The following BTC variants were observed in gnomAD, a reference collection of about 807,000 sequenced individuals.
BTC encodes probetacellulin.
BTC carries 13 observed loss-of-function variants against 18.1 expected under a neutral mutation model. The ratio of observed to expected loss-of-function variants is 0.72; its 90% CI spans 0.47 to 1.14. The LOEUF is 1.14. BTC is among the 50% of genes most tolerant of loss of function. The probability of loss-of-function intolerance (pLI) is 0.00; values close to 1 mark genes in which losing one functional copy is unlikely to be tolerated. For missense variants in BTC, 247 were observed against 224.2 expected (o/e 1.10, Z -0.65); for synonymous variants, 83 against 79.4 (o/e 1.05, Z -0.24).
chr4:74,770,945 GTGTA>G (rs1725022382), intron 1 of BTC, among the ~76,000 whole-genome samples: 1 of 147,606 alleles, frequency 6.8e-6, no homozygotes, highest in African/African-American at 2.6e-5. Context: ...GTGTGTGTGT[GTGTA>G]TAATTATGGA....
chr4:74,758,655 G>T (rs1319263577), intron 2 of BTC, among the ~76,000 whole-genome samples: 3 of 152,132 alleles, frequency 2.0e-5, no homozygotes, highest in Non-Finnish European at 4.4e-5. Flanking sequence ...ACCATGCAGA[G>T]TGTGATACCA....
chr4:74,756,969 A>C (rs546703464), intron 2 of BTC, among the ~76,000 whole-genome samples: 1 of 152,234 alleles, frequency 6.6e-6, no homozygotes, highest in Non-Finnish European at 1.5e-5. Context: ...GTTAACTTAC[A>C]AGGGACATAA....
At chr4:74,790,173 A>ATGAC (rs1725583937) in intron 1 of BTC, among the ~76,000 whole-genome samples, 1 of 152,210 alleles carries the variant, frequency 6.6e-6, no homozygotes, top group Admixed American at 6.5e-5. Context: ...GTAGAGCCTG[A>ATGAC]TGACATTCGG....
intron 1 of BTC, 91 bp downstream of exon 1, chr4:74,794,171 C>T (rs1725708516): frequency 6.7e-7 from 1 of 1,501,316 alleles, no homozygotes. Context: ...GCCCTCTTGT[C>T]CAGATGCCAG....
chr4:74,755,337 T>C (rs993880535), intron 3 of BTC, among the ~76,000 whole-genome samples: 11 of 152,280 alleles, frequency 7.2e-5, no homozygotes, highest in Non-Finnish European at 1.2e-4. Context: ...CTGAGTAAAA[T>C]TGAGCTAGGC....
intron 2 of BTC, among the ~76,000 whole-genome samples, chr4:74,762,607 C>CA (rs1202122867): frequency 6.6e-6 from 1 of 150,714 alleles, no homozygotes; most frequent in African/African-American, 2.4e-5. Context: ...AGGAAGGAAA[C>CA]AAAAAAGTGA....
intron 1 of BTC, among the ~76,000 whole-genome samples, chr4:74,772,693 A>G (rs1268097613): frequency 1.3e-5 from 2 of 151,832 alleles, no homozygotes; most frequent in Non-Finnish European, 2.9e-5. Context: ...GAGATTCCGC[A>G]TCTGCAACCT....
intron 1 of BTC, among the ~76,000 whole-genome samples, chr4:74,775,285 A>T (rs1190155180): frequency 6.6e-6 from 1 of 152,192 alleles, no homozygotes; most frequent in Non-Finnish European, 1.5e-5. Context: ...TGAAAAGAAA[A>T]TGCTGATTAA....
At chr4:74,792,824 C>T (rs1021108037) in intron 1 of BTC, among the ~76,000 whole-genome samples, 1 of 152,226 alleles carries the variant, frequency 6.6e-6, no homozygotes, top group African/African-American at 2.4e-5. Flanking sequence ...TTCCAGCCCC[C>T]GCTGTTGAGC....
intron 2 of BTC, among the ~76,000 whole-genome samples, chr4:74,759,830 T>G (rs1439527066): frequency 2.0e-5 from 3 of 152,168 alleles, no homozygotes; most frequent in Non-Finnish European, 4.4e-5. Context: ...TGAGACGTAC[T>G]AGATTCCCTT....
chr4:74,790,312 T>A (rs925203871), intron 1 of BTC, among the ~76,000 whole-genome samples: 1 of 152,200 alleles, frequency 6.6e-6, no homozygotes, highest in African/African-American at 2.4e-5. Context: ...ACATTTTGAG[T>A]GGCTTTACAT....
chr4:74,755,761 C>T, intron 3 of BTC, 98 bp downstream of exon 3: 1 of 1,146,462 alleles, frequency 8.7e-7, no homozygotes, highest in East Asian at 2.4e-5. Flanking sequence ...TGTGTTCGGA[C>T]AGATGGCATG....
intron 5 of BTC, 35 bp downstream of exon 5, chr4:74,748,005 G>T: frequency 8.0e-7 from 1 of 1,247,126 alleles, no homozygotes; most frequent in Non-Finnish European, 1.1e-6. Context: ...AATGTCACCT[G>T]AATAGTTTTC....
At chr4:74,783,356 A>C (rs1230493472) in intron 1 of BTC, among the ~76,000 whole-genome samples, 2 of 152,060 alleles carry the variant, frequency 1.3e-5, no homozygotes, top group East Asian at 3.9e-4. Context: ...TTAAATAAGG[A>C]TTCCTTTCCC....
chr4:74,749,681 T>TG (rs1287012360), intron 4 of BTC, among the ~76,000 whole-genome samples: 131 of 110,424 alleles, frequency 1.2e-3, no homozygotes, highest in African/African-American at 4.8e-3. Context: ...ATAAGATAGT[T>TG]TTTTTTGTTG....
At position 74,794,254 on chromosome 4, in the gene BTC, C is replaced by T. The variant is rs1422027828; in HGVS notation, c.64+8G>A. ...TCCTGGTTTCCAGTGCCCAGCACGG[C>T]CACTTACCCAGGGCAAGGGCCAGGA... On this transcript the variant is annotated splice_region_variant and intron_variant, in intron 1 of 5. Transcript: ENST00000395743. The T allele has an allele frequency of 6.5e-7, 1 of 1,550,060 alleles. No homozygotes were observed. Among genetic ancestry groups the T allele is most frequent in the Non-Finnish European group, 8.7e-7 (1 of 1,146,756 alleles).
At position 74,777,162 on chromosome 4, in the gene BTC, C is replaced by T. The variant is rs115942437; in HGVS notation, c.65-7006G>A. ...GAATCCTAGATCTACCTTTTATGCA[C>T]GAGATTTATAATTAAGATTGAGTTT... On this transcript the variant is annotated intron_variant, in intron 1 of 5. Transcript: ENST00000395743. Among the ~76,000 whole-genome samples the T allele has an allele frequency of 6.5e-3, 988 of 152,176 alleles. 6 individuals are homozygous for T. Among genetic ancestry groups the T allele is most frequent in the Non-Finnish European group, 9.5e-3 (649 of 67,998 alleles).
intron 2 of BTC, among the ~76,000 whole-genome samples, chr4:74,766,169 G>A (rs4859427): frequency 0.23 from 35,017 of 151,968 alleles, 5,232 homozygotes; most frequent in African/African-American, 0.43. Context: ...AGGTAAGTCA[G>A]TGAATGAGTG....
intron 2 of BTC, among the ~76,000 whole-genome samples, chr4:74,758,904 T>C (rs1313436997): frequency 1.3e-5 from 2 of 152,072 alleles, no homozygotes; most frequent in African/African-American, 4.8e-5. Flanking sequence ...CTTTAAAACC[T>C]GAAAGAAAAA....
Sources: gnomAD v4.1 joint callset for allele counts (sites outside exome capture counted in the v4.1 genomes callset) on GRCh38, gnomAD v4.1.1 for gene constraint, MANE v1.5 for transcripts, NCBI Gene and HGNC (gene_info 2026-07-23, HGNC 2026-07-21) for gene names.